The following SFMBT2 variants were observed in gnomAD, a reference collection of about 807,000 sequenced individuals.
The protein encoded by SFMBT2 is Scm like with four mbt domains 2.
SFMBT2 carries 38 observed loss-of-function variants against 110.1 expected under a neutral mutation model. That is an observed-to-expected ratio of 0.35 (90% CI 0.27 to 0.45). The LOEUF is 0.45. SFMBT2 is among the 20% of genes least tolerant of loss of function. SFMBT2 has a pLI of 1.00. For missense variants in SFMBT2, 1,011 were observed against 1,094.9 expected (o/e 0.92, Z 1.08); for synonymous variants, 425 against 425.4 (o/e 1.00, Z 0.01).
intron 2 of SFMBT2, among the ~76,000 whole-genome samples, chr10:7,373,647 C>G (rs561301188): frequency 1.3e-5 from 2 of 152,252 alleles, no homozygotes; most frequent in African/African-American, 4.8e-5. Flanking sequence ...TGCCACCACC[C>G]GTGTCTCCTG....
At chr10:7,174,313 G>A (rs368358340) in intron 17 of SFMBT2, among the ~76,000 whole-genome samples, 3 of 152,214 alleles carry the variant, frequency 2.0e-5, no homozygotes, top group Admixed American at 6.5e-5. Context: ...AACCCCAAGC[G>A]TGCATGACAG....
chr10:7,405,176 T>C (rs1400358688), intron 1 of SFMBT2, among the ~76,000 whole-genome samples: 2 of 152,240 alleles, frequency 1.3e-5, no homozygotes, highest in Non-Finnish European at 2.9e-5. Context: ...ACTCACTTGC[T>C]GGCTACCAGA....
intron 16 of SFMBT2, among the ~76,000 whole-genome samples, chr10:7,178,820 G>A (rs1838154003): frequency 6.6e-6 from 1 of 152,152 alleles, no homozygotes; most frequent in Admixed American, 6.5e-5. Flanking sequence ...ATGCCTGGCT[G>A]AAAACACAAG....
chr10:7,370,667 T>C (rs1157581841), intron 2 of SFMBT2: 1 of 183,660 alleles, frequency 5.4e-6, no homozygotes, highest in Non-Finnish European at 1.0e-5. Flanking sequence ...TGCTACATGT[T>C]CGTGTAATAG....
At chr10:7,196,109 C>G (rs773861543) in intron 15 of SFMBT2, among the ~76,000 whole-genome samples, 6 of 152,168 alleles carry the variant, frequency 3.9e-5, no homozygotes, top group Non-Finnish European at 7.3e-5. Context: ...CACCGAGGCT[C>G]TCGTGTGGAG....
At position 7,398,971 on chromosome 10, in the gene SFMBT2, T is replaced by C. The variant is rs528872203; in HGVS notation, c.-52+11890A>G. Among the ~76,000 whole-genome samples the C allele has an allele frequency of 1.7e-3, 258 of 152,286 alleles. 1 individual carries two copies. Among genetic ancestry groups the C allele is most frequent in the African/African-American group, 5.8e-3 (242 of 41,544 alleles). Reference sequence around the variant, plus strand: ...TTAGGGCATAATTTTCTGGGTGGATTTTAAGAATTGATCACTTCAAGCCAA... The same window carrying C: ...TTAGGGCATAATTTTCTGGGTGGATCTTAAGAATTGATCACTTCAAGCCAA... On this transcript the variant is annotated intron_variant, in intron 1 of 20. Transcript: ENST00000397167.
At chr10:7,346,480 G>T (rs779849072) in intron 4 of SFMBT2, among the ~76,000 whole-genome samples, 2 of 151,972 alleles carry the variant, frequency 1.3e-5, no homozygotes, top group Non-Finnish European at 2.9e-5. Context: ...CTCTTTAAAC[G>T]TTAATGCAAG....
chr10:7,303,137 G>C (rs1056206947), intron 4 of SFMBT2, among the ~76,000 whole-genome samples: 1 of 152,254 alleles, frequency 6.6e-6, no homozygotes. Context: ...TCTTGAAAAA[G>C]TCAGTTGTAA....
intron 1 of SFMBT2, among the ~76,000 whole-genome samples, chr10:7,392,801 G>C (rs954466105): frequency 1.3e-5 from 2 of 151,320 alleles, no homozygotes; most frequent in Non-Finnish European, 1.5e-5. Flanking sequence ...TAAGATACCA[G>C]AAGTCTAACT....
chr10:7,181,263 G>GTAC (rs1337309506), intron 16 of SFMBT2, among the ~76,000 whole-genome samples: 3 of 150,608 alleles, frequency 2.0e-5, no homozygotes, highest in Non-Finnish European at 4.4e-5. Flanking sequence ...AAAAGTACAG[G>GTAC]TACATCCCTA....
intron 7 of SFMBT2, among the ~76,000 whole-genome samples, chr10:7,273,663 G>A (rs891143916): frequency 6.6e-6 from 1 of 152,104 alleles, no homozygotes; most frequent in African/African-American, 2.4e-5. Context: ...TCCCAACCCT[G>A]TGTCCAAGTG....
chr10:7,175,676 T>C (rs1392862930), intron 17 of SFMBT2, among the ~76,000 whole-genome samples: 1 of 152,210 alleles, frequency 6.6e-6, no homozygotes, highest in Admixed American at 6.5e-5. Flanking sequence ...TGTGCTCTCC[T>C]GCCATCCATT....
intron 7 of SFMBT2, among the ~76,000 whole-genome samples, chr10:7,264,445 C>T (rs1469109322): frequency 6.6e-6 from 1 of 152,162 alleles, no homozygotes; most frequent in Non-Finnish European, 1.5e-5. Context: ...AGACCAGGCA[C>T]ACATTTGCTC....
chr10:7,250,442 T>C (rs1187452075), intron 7 of SFMBT2, among the ~76,000 whole-genome samples: 1 of 152,200 alleles, frequency 6.6e-6, no homozygotes, highest in Admixed American at 6.5e-5. Context: ...GGCTATGCAA[T>C]ATTCCATGGT....
chr10:7,229,516 T>C (rs1840048443), intron 9 of SFMBT2, among the ~76,000 whole-genome samples: 1 of 147,356 alleles, frequency 6.8e-6, no homozygotes, highest in South Asian at 2.2e-4. Flanking sequence ...AGGCAGAGGT[T>C]GCAGTGAGGT....
intron 6 of SFMBT2, among the ~76,000 whole-genome samples, chr10:7,281,079 A>C (rs922516129): frequency 6.6e-6 from 1 of 152,064 alleles, no homozygotes; most frequent in Non-Finnish European, 1.5e-5. Context: ...CATCTCTACA[A>C]AATAAGAGAT....
At chr10:7,198,990 T>C (rs1838866188) in intron 14 of SFMBT2, among the ~76,000 whole-genome samples, 1 of 152,210 alleles carries the variant, frequency 6.6e-6, no homozygotes, top group South Asian at 2.1e-4. Context: ...TGTTTTGTTT[T>C]GTTTTTGAGA....
At chr10:7,197,466 A>C in intron 15 of SFMBT2, 82 bp downstream of exon 15, 54 of 1,515,370 alleles carry the variant, frequency 3.6e-5, no homozygotes, top group Non-Finnish European at 4.1e-5. Flanking sequence ...TCCAATGCCT[A>C]TTCCCTCCTT....
chr10:7,237,270 C>T (rs1840286714), intron 9 of SFMBT2, among the ~76,000 whole-genome samples: 1 of 152,062 alleles, frequency 6.6e-6, no homozygotes, highest in South Asian at 2.1e-4. Context: ...CCTGGAAATC[C>T]CTTCAATGTT....
Sources: allele counts gnomAD v4.1 joint callset (sites outside exome capture counted in the v4.1 genomes callset), GRCh38; gene constraint gnomAD v4.1.1; transcripts MANE v1.5; gene names NCBI Gene and HGNC (gene_info 2026-07-23, HGNC 2026-07-21).